DSCAM: variants seen among roughly 807,000 people sequenced by gnomAD.
DSCAM encodes DS cell adhesion molecule.
Under a neutral mutation model 217.7 loss-of-function variants are expected in DSCAM, and 47 were observed. That is an observed-to-expected ratio of 0.22 (90% CI 0.17 to 0.28). The LOEUF is 0.28. Ranked by LOEUF, DSCAM falls within the 10% of genes least tolerant of loss-of-function variation. The pLI, the probability that DSCAM is intolerant of heterozygous loss-of-function variation, is 1.00. For missense variants in DSCAM, 2,080 were observed against 2,618.3 expected (o/e 0.79, Z 4.49); for synonymous variants, 1,056 against 1,015.3 (o/e 1.04, Z -0.76).
chr21:40,699,755 C>T (rs1168694574), intron 2 of DSCAM, among the ~76,000 whole-genome samples: 2 of 152,126 alleles, frequency 1.3e-5, no homozygotes, highest in African/African-American at 4.8e-5. Flanking sequence ...AGAAGAAACA[C>T]TGGAAGCTAG....
At chr21:40,435,083 A>T (rs895729478) in intron 3 of DSCAM, among the ~76,000 whole-genome samples, 1 of 152,218 alleles carries the variant, frequency 6.6e-6, no homozygotes, top group African/African-American at 2.4e-5. Flanking sequence ...GGGAGCGGAC[A>T]AGATCTCTCC....
intron 3 of DSCAM, among the ~76,000 whole-genome samples, chr21:40,666,081 G>A (rs2090196161): frequency 6.6e-6 from 1 of 152,152 alleles, no homozygotes; most frequent in Non-Finnish European, 1.5e-5. Context: ...TCTCAGTGGG[G>A]ACTGCCAACA....
chr21:40,361,315 A>G lies in DSCAM; in HGVS notation c.656-7572T>C, dbSNP rs149018606. 6.6e-3 allele frequency among the ~76,000 whole-genome samples: 999 copies of G among 152,188 alleles called. 13 individuals carry two copies. Among genetic ancestry groups the G allele is most frequent in the African/African-American group, 0.023 (942 of 41,536 alleles). On this transcript the variant is annotated intron_variant, in intron 4 of 32. Transcript: ENST00000400454. Reference sequence around the variant, plus strand: ...TTTACTTTGTTTTTGGTGGTAAAGTATATGCAACAAAAGGGAAACTATAGG... The same window carrying G: ...TTTACTTTGTTTTTGGTGGTAAAGTGTATGCAACAAAAGGGAAACTATAGG...
At chr21:40,169,754 G>C (rs1396642021) in intron 15 of DSCAM, among the ~76,000 whole-genome samples, 1 of 152,146 alleles carries the variant, frequency 6.6e-6, no homozygotes, top group East Asian at 1.9e-4. Flanking sequence ...GCTGGAGAGA[G>C]AGGAGGTGGG....
chr21:40,682,628 A>G (rs2090416565), intron 3 of DSCAM, among the ~76,000 whole-genome samples: 1 of 140,136 alleles, frequency 7.1e-6, no homozygotes, highest in Non-Finnish European at 1.6e-5. Context: ...AAAGAGAAAG[A>G]GAGAGAAAGA....
At chr21:40,062,205 C>T (rs544372679) in intron 28 of DSCAM, among the ~76,000 whole-genome samples, 27 of 152,298 alleles carry the variant, frequency 1.8e-4, no homozygotes, top group East Asian at 1.4e-3. Flanking sequence ...AGCCTGTGGA[C>T]GTGTGAAAGG....
chr21:40,721,557 T>C (rs2090901359), intron 1 of DSCAM, among the ~76,000 whole-genome samples: 1 of 152,136 alleles, frequency 6.6e-6, no homozygotes, highest in Non-Finnish European at 1.5e-5. Context: ...ATAGGATTAA[T>C]GGCAGATTAC....
Position 40,751,223 on chromosome 21 carries a change from C to G in DSCAM, c.44-42452G>C, listed in dbSNP as rs78128732. On this transcript the variant is annotated intron_variant, in intron 1 of 32. Coordinates refer to ENST00000400454, the MANE Select transcript of DSCAM (RefSeq NM_001389.5). ...CTCAAGTGCCCCTTCTCAGCGAGAC[C>G]GACTCTAGCCTATCTGAAACTCCAC... Among the ~76,000 whole-genome samples, 8 of 152,252 alleles carry G rather than the reference C, an allele frequency of 5.3e-5. No individual in the cohort carries two copies. The East Asian group carries it at 1.5e-3, about 29-fold the overall frequency.
At chr21:40,512,557 C>T (rs2076267950) in intron 3 of DSCAM, among the ~76,000 whole-genome samples, 1 of 152,082 alleles carries the variant, frequency 6.6e-6, no homozygotes, top group African/African-American at 2.4e-5. Context: ...GTTCTGTCTC[C>T]ATCTATTGCC....
intron 3 of DSCAM, among the ~76,000 whole-genome samples, chr21:40,435,213 A>C (rs986069881): frequency 2.0e-5 from 3 of 152,176 alleles, no homozygotes; most frequent in Admixed American, 2.0e-4. Context: ...GCCAAGCGGA[A>C]TCCTCTTGGC....
At chr21:40,101,013 C>T (rs2089742968) in intron 20 of DSCAM, among the ~76,000 whole-genome samples, 1 of 152,210 alleles carries the variant, frequency 6.6e-6, no homozygotes. Flanking sequence ...ACAGAAACAG[C>T]CAACATTACG....
intron 3 of DSCAM, among the ~76,000 whole-genome samples, chr21:40,663,281 A>ATG (rs1282198042): frequency 1.9e-4 from 27 of 142,700 alleles, no homozygotes; most frequent in Non-Finnish European, 3.5e-4. Flanking sequence ...GGGGGTGTAT[A>ATG]TGTGTGTGTG....
chr21:40,578,743 C>A (rs2076877994), intron 3 of DSCAM, among the ~76,000 whole-genome samples: 1 of 152,162 alleles, frequency 6.6e-6, no homozygotes, highest in Non-Finnish European at 1.5e-5. Context: ...TCAGCGAGAA[C>A]AAGAACCCAT....
intron 3 of DSCAM, among the ~76,000 whole-genome samples, chr21:40,481,539 A>C (rs1358257202): frequency 6.6e-6 from 1 of 151,208 alleles, no homozygotes; most frequent in African/African-American, 2.4e-5. Context: ...CCAAAAAAAA[A>C]AAAAAAAAAA....
At chr21:40,321,041 A>G (rs1762350232) in intron 8 of DSCAM, among the ~76,000 whole-genome samples, 1 of 152,262 alleles carries the variant, frequency 6.6e-6, no homozygotes, top group Admixed American at 6.5e-5. Flanking sequence ...CATACTACAC[A>G]TTACAAAATT....
At chr21:40,307,875 T>C (rs867398957) in intron 9 of DSCAM, among the ~76,000 whole-genome samples, 19 of 143,740 alleles carry the variant, frequency 1.3e-4, no homozygotes, top group South Asian at 6.7e-4. Flanking sequence ...TGGGTGGGAA[T>C]TGAACAATGA....
chr21:40,618,544 T>C (rs2089436130), intron 3 of DSCAM: 1 of 152,196 alleles, frequency 6.6e-6, no homozygotes, highest in Admixed American at 6.5e-5. Context: ...GCCTAGGATT[T>C]TTCTGCACAT....
At chr21:40,062,356 A>C (rs1287104863) in intron 28 of DSCAM, among the ~76,000 whole-genome samples, 1 of 152,224 alleles carries the variant, frequency 6.6e-6, no homozygotes. Flanking sequence ...AGGATGAACT[A>C]TGAAGGCTGT....
intron 3 of DSCAM, among the ~76,000 whole-genome samples, chr21:40,448,381 TTC>T (rs756985110): frequency 2.0e-5 from 3 of 152,108 alleles, no homozygotes; most frequent in Non-Finnish European, 2.9e-5. Flanking sequence ...CAGCTCCTGG[TTC>T]TCTGACATTT....
Sources: gnomAD v4.1 joint callset for allele counts (sites outside exome capture counted in the v4.1 genomes callset) on GRCh38, gnomAD v4.1.1 for gene constraint, MANE v1.5 for transcripts, NCBI Gene and HGNC (gene_info 2026-07-23, HGNC 2026-07-21) for gene names.